PLEKHA7: variants seen among roughly 807,000 people sequenced by gnomAD.
PLEKHA7 encodes pleckstrin homology domain-containing family A member 7.
PLEKHA7 carries 104 observed loss-of-function variants against 170.0 expected under a neutral mutation model. The observed-to-expected ratio is 0.61, with a 90% CI of 0.52 to 0.72. The LOEUF is 0.72. Among genes scored for constraint, PLEKHA7 ranks in the 30% least tolerant of loss-of-function variants. The pLI, the probability that PLEKHA7 is intolerant of heterozygous loss-of-function variation, is 0.00. For missense variants in PLEKHA7, 1,615 were observed against 1,671.7 expected (o/e 0.97, Z 0.59); for synonymous variants, 648 against 660.8 (o/e 0.98, Z 0.30).
chr11:16,783,740 G>A lies in PLEKHA7; in HGVS notation c.3610C>T (p.Arg1204Cys), dbSNP rs1020123881. The A allele has an allele frequency of 2.9e-5, 44 of 1,501,418 alleles. No individual in the cohort carries two copies. Among genetic ancestry groups the A allele is most frequent in the Middle Eastern group, 1.7e-4 (1 of 5,910 alleles). The allele number at this position is 1,501,418 out of a possible 1,614,324, so 93.0% of individuals were successfully genotyped here. A position where few individuals can be genotyped will look rare whatever the true frequency, so the allele number is the denominator to read the frequency against. Residue 1204 changes from arginine (R) to cysteine (C), a missense_variant, in exon 25 of 27, where the codon CGC (arginine) becomes TGC (cysteine). By Grantham distance (180) the Arg-to-Cys change is radical. Coordinates refer to ENST00000531066, the MANE Select transcript of PLEKHA7 (RefSeq NM_001329630.2). ...PSLEELQARY[R>C]KAEKIRNILA... ...ATGTTGCGGATCTTCTCGGCTTTGC[G>A]GTACCGCGCCTGCAGCTCCTCAAGG...
intron 3 of PLEKHA7, among the ~76,000 whole-genome samples, chr11:16,976,597 G>A (rs1443560912): frequency 6.6e-6 from 1 of 152,226 alleles, no homozygotes; most frequent in African/African-American, 2.4e-5. Context: ...TATGAAGGTG[G>A]TTGGACTAGC....
chr11:16,990,900 T>A (rs144533875), intron 3 of PLEKHA7, among the ~76,000 whole-genome samples: 28 of 152,346 alleles, frequency 1.8e-4, no homozygotes, highest in Non-Finnish European at 3.5e-4. Flanking sequence ...ACTGCCAGTA[T>A]CTGTATGGCT....
intron 3 of PLEKHA7, among the ~76,000 whole-genome samples, chr11:17,004,215 T>C (rs550255491): frequency 5.3e-5 from 8 of 152,290 alleles, no homozygotes; most frequent in African/African-American, 1.9e-4. Context: ...AACCAACATT[T>C]AATGGCACTT....
chr11:16,943,984 G>T (rs1860856660), intron 3 of PLEKHA7, among the ~76,000 whole-genome samples: 1 of 152,206 alleles, frequency 6.6e-6, no homozygotes, highest in African/African-American at 2.4e-5. Flanking sequence ...GAACCTCAGG[G>T]TCTGCATGTT....
At chr11:17,004,517 C>G (rs929899481) in intron 3 of PLEKHA7, among the ~76,000 whole-genome samples, 1 of 151,806 alleles carries the variant, frequency 6.6e-6, no homozygotes, top group African/African-American at 2.4e-5. Flanking sequence ...CTCAGCCTCC[C>G]GAGTAGCTGG....
chr11:16,906,522 T>C (rs1857725306), intron 3 of PLEKHA7, among the ~76,000 whole-genome samples: 1 of 139,138 alleles, frequency 7.2e-6, no homozygotes, highest in Admixed American at 7.1e-5. Flanking sequence ...GGGGTTTCGC[T>C]GTGTTGGCCA....
intron 4 of PLEKHA7, among the ~76,000 whole-genome samples, chr11:16,859,163 T>C (rs1853726528): frequency 6.6e-6 from 1 of 152,214 alleles, no homozygotes; most frequent in Non-Finnish European, 1.5e-5. Flanking sequence ...AGCTCCCAAC[T>C]CAAGGAATAG....
intron 3 of PLEKHA7, among the ~76,000 whole-genome samples, chr11:16,936,401 C>CAAAAAAAAAAAAAA (rs57104068): frequency 1.5e-5 from 1 of 68,146 alleles, no homozygotes; most frequent in African/African-American, 5.3e-5. Context: ...GACTCTGTCT[C>CAAAAAAAAAAAAAA]AAAAAAAAAA....
At position 16,803,037 on chromosome 11, in the gene PLEKHA7, A is replaced by G; in HGVS notation, c.2092T>C (p.Phe698Leu). The part of the protein sequence containing the change: ...ESDTDVKLSI[F>L]CEQDRVLQDL... ...TGGAGGACCCTGTCTTGTTCACAGA[A>G]GATGCTCAGTTTGACCTAAAAGCAA... The change falls in exon 15 of 27, where the codon TTC becomes CTC. Residue 698 changes from phenylalanine (F) to leucine (L), a missense_variant. Physicochemically the swap from Phe to Leu is conservative, Grantham distance 22. Coordinates refer to ENST00000531066, the MANE Select transcript of PLEKHA7 (RefSeq NM_001329630.2). 1 of 1,614,190 alleles carries G rather than the reference A, an allele frequency of 6.2e-7. No homozygotes were observed. Among genetic ancestry groups the G allele is most frequent in the Non-Finnish European group, 8.5e-7 (1 of 1,180,006 alleles).
intron 3 of PLEKHA7, among the ~76,000 whole-genome samples, chr11:16,969,378 C>T (rs1391977450): frequency 1.3e-5 from 2 of 152,164 alleles, no homozygotes; most frequent in Admixed American, 6.5e-5. Context: ...AGAAGCTGAG[C>T]AGCAGTGCTT....
intron 3 of PLEKHA7, among the ~76,000 whole-genome samples, chr11:16,894,900 C>T (rs1010587918): frequency 2.0e-5 from 3 of 152,152 alleles, no homozygotes; most frequent in Admixed American, 2.0e-4. Context: ...ACTCCAGGCA[C>T]TCTGCAGGCA....
chr11:16,855,524 T>G (rs1389017937), intron 5 of PLEKHA7: 2 of 404,328 alleles, frequency 4.9e-6, no homozygotes, highest in Non-Finnish European at 8.8e-6. Context: ...CACAGCTACA[T>G]GTAAATAGAA....
intron 3 of PLEKHA7, among the ~76,000 whole-genome samples, chr11:16,916,516 A>C (rs1858692703): frequency 6.6e-6 from 1 of 152,194 alleles, no homozygotes; most frequent in Non-Finnish European, 1.5e-5. Context: ...AACAGTCCCT[A>C]CCTCAGGCAA....
At chr11:16,976,736 C>A (rs1192817451) in intron 3 of PLEKHA7, among the ~76,000 whole-genome samples, 1 of 152,220 alleles carries the variant, frequency 6.6e-6, no homozygotes, top group Non-Finnish European at 1.5e-5. Context: ...AAACTGTTTT[C>A]TTAGAGCGGT....
chr11:16,899,116 A>G (rs1212849398), intron 3 of PLEKHA7, among the ~76,000 whole-genome samples: 1 of 152,190 alleles, frequency 6.6e-6, no homozygotes, highest in Non-Finnish European at 1.5e-5. Flanking sequence ...AAGTATAGCC[A>G]AGAGCTCTTG....
intron 9 of PLEKHA7, among the ~76,000 whole-genome samples, chr11:16,829,840 T>C (rs75461770): frequency 0.016 from 2,395 of 147,554 alleles, 20 homozygotes; most frequent in Non-Finnish European, 0.021. Context: ...AATGTACATA[T>C]GACAGGTTTC....
chr11:16,784,119 C>A (rs1373271225), intron 24 of PLEKHA7, among the ~76,000 whole-genome samples: 1 of 152,192 alleles, frequency 6.6e-6, no homozygotes. Flanking sequence ...AAATGATCAT[C>A]CTTAATGCCA....
intron 3 of PLEKHA7, among the ~76,000 whole-genome samples, chr11:16,921,293 T>G (rs550431501): frequency 6.6e-6 from 1 of 152,226 alleles, no homozygotes; most frequent in East Asian, 1.9e-4. Flanking sequence ...CAAATCAAAC[T>G]AGCAACCTCT....
At chr11:16,871,985 T>C (rs920019116) in intron 3 of PLEKHA7, among the ~76,000 whole-genome samples, 1 of 151,706 alleles carries the variant, frequency 6.6e-6, no homozygotes, top group South Asian at 2.1e-4. Flanking sequence ...TTTTTTTTTT[T>C]TTTTTTTAAG....
Sources: allele counts gnomAD v4.1 joint callset (sites outside exome capture counted in the v4.1 genomes callset), GRCh38; gene constraint gnomAD v4.1.1; transcripts MANE v1.5; gene names NCBI Gene and HGNC (gene_info 2026-07-23, HGNC 2026-07-21).